Variants in CUX2 observed in about 807,000 individuals in gnomAD.
CUX2 encodes homeobox protein cut-like 2.
In CUX2, 40 loss-of-function variants were observed where a neutral mutation model predicts 144.8. The observed-to-expected ratio is 0.28, with a 90% CI of 0.21 to 0.36. CUX2 has a LOEUF of 0.36. Among genes scored for constraint, CUX2 ranks in the 10% least tolerant of loss-of-function variants. The pLI, the probability that CUX2 is intolerant of heterozygous loss-of-function variation, is 1.00. For missense variants in CUX2, 1,615 were observed against 1,994.0 expected (o/e 0.81, Z 3.62); for synonymous variants, 827 against 875.6 (o/e 0.94, Z 0.98).
At chr12:111,313,368 C>A (rs1157113421) in intron 16 of CUX2, among the ~76,000 whole-genome samples, 1 of 151,556 alleles carries the variant, frequency 6.6e-6, no homozygotes, top group African/African-American at 2.4e-5. Context: ...CGTGCCCCGC[C>A]CATCTTCTCA....
At chr12:111,228,057 T>C (rs529150629) in intron 3 of CUX2, among the ~76,000 whole-genome samples, 1 of 152,296 alleles carries the variant, frequency 6.6e-6, no homozygotes, top group Non-Finnish European at 1.5e-5. Context: ...CATTCCTTCA[T>C]TGAGAAATGC....
chr12:111,226,020 T>C (rs1275769921), intron 3 of CUX2, among the ~76,000 whole-genome samples: 3 of 152,234 alleles, frequency 2.0e-5, no homozygotes. Context: ...CTCAGCTCAC[T>C]GCAACCTCCG....
At chr12:111,294,585 CAAAAAAAAAAAAA>C in intron 6 of CUX2, among the ~76,000 whole-genome samples, 1 of 100,050 alleles carries the variant, frequency 1.0e-5, no homozygotes, top group African/African-American at 3.0e-5. Context: ...CCTATCTTTT[CAAAAAAAAAAAAA>C]AAAAAGAAAG....
chr12:111,148,653 T>C (rs1419758110), intron 1 of CUX2, among the ~76,000 whole-genome samples: 1 of 152,204 alleles, frequency 6.6e-6, no homozygotes, highest in East Asian at 1.9e-4. Flanking sequence ...TGACACAAAG[T>C]ATCTCCTGTA....
chr12:111,140,173 G>T (rs912899820), intron 1 of CUX2, among the ~76,000 whole-genome samples: 45 of 152,194 alleles, frequency 3.0e-4, no homozygotes, highest in Middle Eastern at 6.8e-3. Context: ...CCAGGTCAGC[G>T]CTGCTTGCAA....
Position 111,334,525 on chromosome 12 carries a change from T to C in CUX2, c.3011T>C (p.Leu1004Pro). 6.2e-7 allele frequency: 1 copy of C among 1,612,298 alleles called. No individual in the cohort carries two copies. The highest frequency in any genetic ancestry group is 8.5e-7 in the Non-Finnish European group (1 of 1,179,326). ...AAGAGCTCCCAGGAGCCGTTGAGCC[T>C]GTCCCTGGAGAGCAGCAAGGAGAAC... ...PEKSSQEPLSLSLESSKENQQ... is the reference protein window; with the variant it reads ...PEKSSQEPLSPSLESSKENQQ... The change falls in exon 19 of 22, where the codon CTG becomes CCG. Residue 1004 changes from leucine (L) to proline (P), a missense_variant. Around this residue, in one of 12 missense-constraint regions of CUX2, gnomAD observed 128 missense variants for 124.4 expected, o/e 1.03. Transcript: ENST00000261726.
chr12:111,128,070 C>T (rs1875207424), intron 1 of CUX2, among the ~76,000 whole-genome samples: 2 of 152,188 alleles, frequency 1.3e-5, no homozygotes, highest in Admixed American at 1.3e-4. Flanking sequence ...CACTTCCACC[C>T]CTTGATTCTT....
chr12:111,096,412 G>C (rs1872818456), intron 1 of CUX2, among the ~76,000 whole-genome samples: 1 of 152,194 alleles, frequency 6.6e-6, no homozygotes, highest in African/African-American at 2.4e-5. Context: ...CCACCACAGA[G>C]CAGAGTGGGA....
At chr12:111,271,957 G>A (rs551510380) in intron 4 of CUX2, among the ~76,000 whole-genome samples, 18 of 152,136 alleles carry the variant, frequency 1.2e-4, no homozygotes, top group Non-Finnish European at 2.1e-4. Context: ...CTTGTCTATT[G>A]TATGTAGCAG....
intron 1 of CUX2, among the ~76,000 whole-genome samples, chr12:111,060,382 C>A (rs1157696792): frequency 1.3e-5 from 2 of 152,250 alleles, no homozygotes; most frequent in Non-Finnish European, 2.9e-5. Flanking sequence ...TACAAACAGA[C>A]ACACTTCTCT....
chr12:111,064,267 T>C (rs1291524166), intron 1 of CUX2, among the ~76,000 whole-genome samples: 2 of 152,188 alleles, frequency 1.3e-5, no homozygotes, highest in African/African-American at 4.8e-5. Context: ...AGGGTTTGAC[T>C]CTGGGTTCCC....
At chr12:111,197,442 TC>T (rs1357432505) in intron 1 of CUX2, among the ~76,000 whole-genome samples, 2 of 152,160 alleles carry the variant, frequency 1.3e-5, no homozygotes, top group African/African-American at 4.8e-5. Context: ...CACTGTTGGA[TC>T]CCCAGTGCCT....
intron 1 of CUX2, among the ~76,000 whole-genome samples, chr12:111,044,214 G>C (rs1184771146): frequency 6.6e-6 from 1 of 152,134 alleles, no homozygotes. Context: ...AATGGGATTG[G>C]GACATCTGCA....
intron 1 of CUX2, among the ~76,000 whole-genome samples, chr12:111,040,702 T>C (rs1433423897): frequency 6.6e-6 from 1 of 152,228 alleles, no homozygotes; most frequent in African/African-American, 2.4e-5. Context: ...ATGGTCTCTC[T>C]CTACACATGC....
chr12:111,219,304 T>C (rs1433841706), intron 3 of CUX2, among the ~76,000 whole-genome samples: 4 of 151,780 alleles, frequency 2.6e-5, no homozygotes, highest in Non-Finnish European at 5.9e-5. Context: ...GCAAGGTGCC[T>C]GGGCTTGGAA....
intron 2 of CUX2, 124 bp from the exon 3 acceptor site, chr12:111,217,766 A>C (rs1881626406): frequency 1.0e-6 from 1 of 961,044 alleles, no homozygotes; most frequent in East Asian, 2.4e-5. Flanking sequence ...AATCCAATGG[A>C]GTTCAGGCCC....
At chr12:111,236,858 C>T (rs376759081) in intron 3 of CUX2, among the ~76,000 whole-genome samples, 4 of 152,154 alleles carry the variant, frequency 2.6e-5, no homozygotes, top group East Asian at 1.9e-4. Flanking sequence ...CTCCTAAAAG[C>T]GGCAAAAGCG....
chr12:111,172,316 A>C (rs1397649105), intron 1 of CUX2, among the ~76,000 whole-genome samples: 1 of 152,242 alleles, frequency 6.6e-6, no homozygotes, highest in Non-Finnish European at 1.5e-5. Context: ...AGGTTTATTT[A>C]AAAAATCAGC....
At position 111,322,357 on chromosome 12, in the gene CUX2, G is replaced by T; in HGVS notation, c.2767-64G>T. ...AAAAAAAAAAAAAGGTTGGGGAGGA[G>T]AGTGAGGGCCAGGCCCATGTCCCAG... On this transcript the variant is annotated intron_variant, in intron 17 of 21. Coordinates refer to ENST00000261726, the MANE Select transcript of CUX2 (RefSeq NM_015267.4). This position sits in a 1 kb window ranked among gnomAD's most constrained non-coding sequence, Gnocchi z 4.2. The T allele has an allele frequency of 7.1e-5, 88 of 1,235,966 alleles. No individual in the cohort carries two copies. The highest frequency in any genetic ancestry group is 8.3e-5 in the Non-Finnish European group (75 of 907,580). 76.6% of individuals were successfully genotyped at this position (1,235,966 alleles called of 1,614,324 possible). A position where few individuals can be genotyped will look rare whatever the true frequency, so the allele number is the denominator to read the frequency against.
Sources: gnomAD v4.1 joint callset for allele counts (sites outside exome capture counted in the v4.1 genomes callset) on GRCh38, gnomAD v4.1.1 for gene constraint, gnomAD v4.1.1 regional missense constraint, Gnocchi (gnomAD v3.1) non-coding constraint, MANE v1.5 for transcripts, NCBI Gene and HGNC (gene_info 2026-07-23, HGNC 2026-07-21) for gene names.